TRERF1: variants seen among roughly 807,000 people sequenced by gnomAD.
TRERF1 encodes transcriptional-regulating factor 1.
A neutral mutation model predicts 122.9 loss-of-function variants in TRERF1; 27 were observed. That is an observed-to-expected ratio of 0.22 (90% CI 0.16 to 0.30). The LOEUF (loss-of-function observed/expected upper bound fraction) is 0.30. TRERF1 is among the 10% of genes least tolerant of loss of function. The probability of loss-of-function intolerance (pLI) is 1.00; values close to 1 mark genes in which losing one functional copy is unlikely to be tolerated. For synonymous variants in TRERF1, 636 were observed against 641.7 expected, an observed-to-expected ratio of 0.99 and a Z score of 0.13; for missense variants, 1,248 against 1,560.3, an observed-to-expected ratio of 0.80 and a Z score of 3.37.
In TRERF1 at chr6:42,233,148, G is replaced by A. The variant is rs1191181548; in HGVS notation, c.3067-256C>T. On this transcript the variant is annotated intron_variant, in intron 16 of 17. Coordinates refer to ENST00000372922, the Ensembl canonical transcript of TRERF1. ...GACGTGGCACAGGATAAAGAATAAA[G>A]CTACTGTCTAGAAGTCAAGACGTCA... 4.6e-5 allele frequency among the ~76,000 whole-genome samples: 7 copies of A among 152,238 alleles called. No individual in the cohort carries two copies. In the East Asian group the frequency reaches 1.3e-3, roughly 29 times the overall value.
Position 42,349,110 on chromosome 6 carries a change from C to T in TRERF1, c.-371+13887G>A, listed in dbSNP as rs145562345. Among the ~76,000 whole-genome samples the T allele has an allele frequency of 2.0e-4, 31 of 152,290 alleles. 1 individual carries two copies. Among genetic ancestry groups the T allele is most frequent in the African/African-American group, 5.5e-4 (23 of 41,564 alleles). ...GATTTGGAGGTACCTACTTCCCCAG[C>T]TTCACTAACTACCCTGTCTACTTTC... On this transcript the variant is annotated intron_variant, in intron 3 of 17. Coordinates refer to ENST00000372922, the Ensembl canonical transcript of TRERF1.
chr6:42,264,602 G>T, intron 7 of TRERF1, 102 bp downstream of exon 7: 2 of 1,517,786 alleles, frequency 1.3e-6, no homozygotes, highest in African/African-American at 1.4e-5. Flanking sequence ...ACTGTGCCTC[G>T]CCAGGTCCCG....
At chr6:42,432,833 ACT>A (rs1784687292) in intron 2 of TRERF1, among the ~76,000 whole-genome samples, 1 of 118,868 alleles carries the variant, frequency 8.4e-6, no homozygotes, top group Non-Finnish European at 1.8e-5. Flanking sequence ...ACAAAGTGAG[ACT>A]CTGTCTCAAA....
chr6:42,402,637 G>A lies in TRERF1; in HGVS notation c.-453-39558C>T, dbSNP rs1779556769. Among the ~76,000 whole-genome samples the A allele has an allele frequency of 3.9e-5, 6 of 152,230 alleles. No homozygotes were observed. The South Asian group carries it at 1.2e-3, about 32-fold the overall frequency. On this transcript the variant is annotated intron_variant, in intron 2 of 17. Coordinates refer to ENST00000372922, the Ensembl canonical transcript of TRERF1. ...GTTATTACCAAATGTCTACCCTTCTGAATTCTTATAAAGTCATTTCTTATC... is the reference window on the plus strand; with the variant it reads ...GTTATTACCAAATGTCTACCCTTCTAAATTCTTATAAAGTCATTTCTTATC...
intron 3 of TRERF1, among the ~76,000 whole-genome samples, chr6:42,345,147 G>A (rs1426140043): frequency 2.0e-5 from 3 of 152,132 alleles, no homozygotes; most frequent in African/African-American, 7.2e-5. Context: ...TGTGTGAGTG[G>A]ACAGAAAAAA....
intron 4 of TRERF1, among the ~76,000 whole-genome samples, chr6:42,296,231 G>C (rs1785085318): frequency 2.0e-5 from 3 of 152,214 alleles, no homozygotes; most frequent in Admixed American, 6.5e-5. Flanking sequence ...GGCCAGACCA[G>C]TGCGTTCTAT....
rs758415886 is a variant in TRERF1, at chr6:42,234,317, CT to C, written c.3067-1426del. ...AGTTGCTGTATTAAGTTTATGATCT[CT>C]GTTTTTTTTGTTTGTTTGTTTGCTT... On this transcript the variant is annotated intron_variant, in intron 16 of 17. Coordinates refer to ENST00000372922, the Ensembl canonical transcript of TRERF1. Among the ~76,000 whole-genome samples, 4 of 151,266 alleles carry C rather than the reference CT, an allele frequency of 2.6e-5. No homozygotes were observed. The East Asian group carries it at 7.7e-4, about 29-fold the overall frequency.
chr6:42,350,983 CCT>C (rs887897732), intron 3 of TRERF1, among the ~76,000 whole-genome samples: 18 of 151,770 alleles, frequency 1.2e-4, no homozygotes, highest in African/African-American at 4.4e-4. Flanking sequence ...TCACTCTCTC[CCT>C]CTCTCTCACA....
chr6:42,437,496 A>C (rs1785673662), intron 2 of TRERF1, among the ~76,000 whole-genome samples: 1 of 152,208 alleles, frequency 6.6e-6, no homozygotes, highest in African/African-American at 2.4e-5. Context: ...CTTTTCAGTC[A>C]GTAAAACAAA....
At chr6:42,418,362 C>T (rs574497837) in intron 2 of TRERF1, among the ~76,000 whole-genome samples, 2 of 150,508 alleles carry the variant, frequency 1.3e-5, no homozygotes, top group East Asian at 1.9e-4. Flanking sequence ...CTCTGCCTCC[C>T]GGGTTCAAGC....
intron 2 of TRERF1, among the ~76,000 whole-genome samples, chr6:42,381,849 G>C (rs1486982933): frequency 1.3e-5 from 2 of 148,336 alleles, no homozygotes; most frequent in Non-Finnish European, 1.5e-5. Flanking sequence ...GGCTCCCCTG[G>C]AATCTAGTGT....
chr6:42,283,492 G>C (rs1782643432), intron 4 of TRERF1, among the ~76,000 whole-genome samples: 1 of 151,980 alleles, frequency 6.6e-6, no homozygotes. Context: ...GGGCTAATTG[G>C]GGAAAAGAGC....
chr6:42,257,982 T>C (rs1179381327), intron 10 of TRERF1, among the ~76,000 whole-genome samples, 153 bp downstream of exon 10: 3 of 152,210 alleles, frequency 2.0e-5, no homozygotes, highest in African/African-American at 4.8e-5. Flanking sequence ...CTGGCAACCA[T>C]TGTGCAGGGA....
rs1270929235 is a variant in TRERF1 at position 42,356,570 on chromosome 6, TTTTA to T, written c.-371+6423_-371+6426del. Among the ~76,000 whole-genome samples the T allele has an allele frequency of 2.0e-5, 3 of 151,788 alleles. No homozygotes were observed. In the East Asian group the frequency reaches 5.8e-4, roughly 29 times the overall value. ...AGCCTCCAGAGCTGTGAAAAATAAT[TTTTA>T]TTTATTTATTTATTTTTAAGATGGA... On this transcript the variant is annotated intron_variant, in intron 3 of 17. Transcript: ENST00000372922.
At chr6:42,262,601 C>CAGAGAGAGAGAGAGAGAGAGAGAGAGAG (rs1554134255) in intron 8 of TRERF1, among the ~76,000 whole-genome samples, 2 of 59,132 alleles carry the variant, frequency 3.4e-5, no homozygotes, top group African/African-American at 1.6e-4. Context: ...GAGAGAGAGA[C>CAGAGAGAGAGAGAGAGAGAGAGAGAGAG]AGACAGACGG....
chr6:42,389,033 C>A (rs1046984016), intron 2 of TRERF1, among the ~76,000 whole-genome samples: 2 of 151,990 alleles, frequency 1.3e-5, no homozygotes, highest in Non-Finnish European at 2.9e-5. Context: ...TCAGAGCAGG[C>A]CTTAAACACA....
At chr6:42,417,724 G>A (rs930013386) in intron 2 of TRERF1, among the ~76,000 whole-genome samples, 1 of 152,224 alleles carries the variant, frequency 6.6e-6, no homozygotes, top group African/African-American at 2.4e-5. Context: ...CAAGAGGTTT[G>A]GACATGACAC....
intron 15 of TRERF1, among the ~76,000 whole-genome samples, chr6:42,236,641 G>A (rs775598683): frequency 3.9e-5 from 6 of 152,114 alleles, no homozygotes; most frequent in African/African-American, 7.2e-5. Flanking sequence ...GCCCCACTTC[G>A]GGACCCCTCA....
At chr6:42,429,825 T>G (rs1415218067) in intron 2 of TRERF1, among the ~76,000 whole-genome samples, 4 of 151,802 alleles carry the variant, frequency 2.6e-5, no homozygotes, top group Non-Finnish European at 4.4e-5. Flanking sequence ...CAGGCTGAAG[T>G]GTTTTGGAAG....
Sources: gnomAD v4.1 joint callset for allele counts (sites outside exome capture counted in the v4.1 genomes callset) on GRCh38, gnomAD v4.1.1 for gene constraint, MANE v1.5 for transcripts, NCBI Gene and HGNC (gene_info 2026-07-23, HGNC 2026-07-21) for gene names.